The following NCOA3 variants were observed in gnomAD, a reference collection of about 807,000 sequenced individuals.
NCOA3 encodes nuclear receptor coactivator 3, also known as CBP-interacting protein.
A neutral mutation model predicts 158.8 loss-of-function variants in NCOA3; 51 were observed. That is an observed-to-expected ratio of 0.32 (90% CI 0.26 to 0.41). The LOEUF (loss-of-function observed/expected upper bound fraction) is 0.41. NCOA3 is among the 10% of genes least tolerant of loss of function. NCOA3 has a pLI of 1.00. For synonymous variants in NCOA3, 537 were observed against 592.4 expected (o/e 0.91, Z 1.36); for missense variants, 1,510 against 1,746.6 (o/e 0.86, Z 2.41).
chr20:47,583,160 C>A, intron 1 of NCOA3, 23 bp from the exon 2 acceptor site: 1 of 398,486 alleles, frequency 2.5e-6, no homozygotes, highest in Non-Finnish European at 4.4e-6. Flanking sequence ...AAATTCAATC[C>A]CTCCTCTTCT....
intron 2 of NCOA3, among the ~76,000 whole-genome samples, chr20:47,586,545 A>G (rs1727897144): frequency 6.6e-6 from 1 of 152,152 alleles, no homozygotes; most frequent in South Asian, 2.1e-4. Flanking sequence ...TCTATCGCCC[A>G]TATTCCAGTT....
chr20:47,634,883 T>C lies in NCOA3; in HGVS notation c.1113-439T>C, dbSNP rs562784546. Among the ~76,000 whole-genome samples the C allele has an allele frequency of 1.6e-4, 24 of 151,880 alleles. 1 individual carries two copies. In the South Asian group the frequency reaches 3.7e-3, roughly 24 times the overall value. ...ATCCCATTTTTTTATTCCCTCTCCT[T>C]CTCTCTCCCTTCTTCCTTTCTTCTT... On this transcript the variant is annotated intron_variant, in intron 10 of 22. Coordinates refer to ENST00000371998, the MANE Select transcript of NCOA3 (RefSeq NM_181659.3).
chr20:47,627,580 A>C lies in NCOA3; in HGVS notation c.552A>C (p.Thr184=). 9.3e-6 allele frequency: 15 copies of C among 1,611,430 alleles called. No homozygotes were observed. The highest frequency in any genetic ancestry group is 1.3e-5 in the Non-Finnish European group (15 of 1,179,204). ...CCAAAGTTAATGGAGTTTCCTGGAC[A>C]AATGAGACCCAAAGACAAAAAAGCC... is the stretch of plus-strand genomic sequence containing the variant. ...PKSTVNGVSW[T]NETQRQKSHT... Residue 184 remains threonine, a synonymous_variant, in exon 7 of 23, where the codon ACA becomes ACC. Coordinates refer to ENST00000371998, the MANE Select transcript of NCOA3 (RefSeq NM_181659.3).
chr20:47,546,305 A>C (rs1217722596), intron 1 of NCOA3, among the ~76,000 whole-genome samples: 1 of 152,072 alleles, frequency 6.6e-6, no homozygotes, highest in Non-Finnish European at 1.5e-5. Context: ...CATTGAACCA[A>C]CATTTTCTGT....
At chr20:47,520,272 T>G (rs1308462114) in intron 1 of NCOA3, among the ~76,000 whole-genome samples, 2 of 145,480 alleles carry the variant, frequency 1.4e-5, no homozygotes, top group East Asian at 3.9e-4. Flanking sequence ...TTCTCTTTAC[T>G]GCTTCTCTCT....
intron 1 of NCOA3, among the ~76,000 whole-genome samples, chr20:47,526,588 G>C (rs527286756): frequency 6.6e-6 from 1 of 152,100 alleles, no homozygotes; most frequent in Non-Finnish European, 1.5e-5. Flanking sequence ...GCGAAACCCC[G>C]TCTCCACCAA....
chr20:47,513,903 A>G (rs904838542), intron 1 of NCOA3, among the ~76,000 whole-genome samples: 2 of 152,056 alleles, frequency 1.3e-5, no homozygotes, highest in African/African-American at 4.8e-5. Flanking sequence ...CCATAAATAT[A>G]TTATACATCA....
intron 2 of NCOA3, among the ~76,000 whole-genome samples, chr20:47,603,558 T>C (rs1003105722): frequency 2.0e-5 from 3 of 152,256 alleles, no homozygotes; most frequent in Non-Finnish European, 2.9e-5. Flanking sequence ...CAGGTCCTTG[T>C]CCAGCATCGA....
intron 1 of NCOA3, among the ~76,000 whole-genome samples, chr20:47,543,438 C>T (rs2084776548): frequency 6.6e-6 from 1 of 151,950 alleles, no homozygotes; most frequent in South Asian, 2.1e-4. Context: ...AGACACATGA[C>T]GTCTGTTTTT....
chr20:47,525,414 T>C (rs1157170299), intron 1 of NCOA3, among the ~76,000 whole-genome samples: 3 of 150,622 alleles, frequency 2.0e-5, no homozygotes, highest in African/African-American at 7.3e-5. Flanking sequence ...AAAACCGCCA[T>C]TGTCATCATG....
chr20:47,586,107 C>T (rs764408735), intron 2 of NCOA3, among the ~76,000 whole-genome samples: 13 of 151,872 alleles, frequency 8.6e-5, no homozygotes, highest in African/African-American at 1.9e-4. Flanking sequence ...TTAGTAGAGA[C>T]GGGGTTTCAC....
intron 1 of NCOA3, among the ~76,000 whole-genome samples, chr20:47,524,090 T>C (rs2084387858): frequency 2.0e-5 from 3 of 152,216 alleles, no homozygotes; most frequent in Non-Finnish European, 4.4e-5. Context: ...GGGACAATAT[T>C]GAGACAAAAA....
At chr20:47,575,464 C>T (rs192617880) in intron 1 of NCOA3, among the ~76,000 whole-genome samples, 9 of 151,922 alleles carry the variant, frequency 5.9e-5, no homozygotes, top group East Asian at 3.9e-4. Context: ...CTTTTAATGT[C>T]GAATTAAGAA....
At chr20:47,647,499 G>A in intron 18 of NCOA3, 133 bp downstream of exon 18, 1 of 828,426 alleles carries the variant, frequency 1.2e-6, no homozygotes, top group Non-Finnish European at 1.8e-6. Flanking sequence ...TTCTGTGTAA[G>A]GTTTTATTTG....
intron 2 of NCOA3, among the ~76,000 whole-genome samples, chr20:47,587,567 A>G (rs2085555195): frequency 6.6e-6 from 1 of 152,256 alleles, no homozygotes; most frequent in Non-Finnish European, 1.5e-5. Context: ...TTGTATTTGC[A>G]TATAACCCAT....
In NCOA3 at chr20:47,653,648, CAG is replaced by C; in HGVS notation, c.*233_*234del. On this transcript the variant is annotated 3_prime_UTR_variant, in exon 23 of 23. Transcript: ENST00000371998. ...CTGCTGTGTATCATGGTGTTCAAAA[CAG>C]AAATGTTTTTTGGCATTCCACCTCC... is the stretch of plus-strand genomic sequence containing the variant. 1 of 527,774 alleles carries C rather than the reference CAG, an allele frequency of 1.9e-6. No individual in the cohort carries two copies. 32.7% of individuals were successfully genotyped at this position (527,774 alleles called of 1,614,324 possible). A position where few individuals can be genotyped will look rare whatever the true frequency, so the allele number is the denominator to read the frequency against.
At chr20:47,585,983 C>T (rs1047707629) in intron 2 of NCOA3, among the ~76,000 whole-genome samples, 5 of 149,464 alleles carry the variant, frequency 3.3e-5, no homozygotes, top group Non-Finnish European at 7.4e-5. Context: ...TGCAATGGCG[C>T]GATCTTGTTT....
intron 1 of NCOA3, among the ~76,000 whole-genome samples, chr20:47,508,128 G>T (rs1169212956): frequency 6.6e-6 from 1 of 152,014 alleles, no homozygotes; most frequent in Non-Finnish European, 1.5e-5. Flanking sequence ...TCAGAAACAA[G>T]CTTAATTTAT....
intron 1 of NCOA3, among the ~76,000 whole-genome samples, chr20:47,521,556 T>TG (rs906187854): frequency 2.0e-5 from 3 of 151,932 alleles, no homozygotes; most frequent in African/African-American, 2.4e-5. Context: ...AAGAAAGTGT[T>TG]GGGGTGAGTG....
Sources: allele counts gnomAD v4.1 joint callset (sites outside exome capture counted in the v4.1 genomes callset), GRCh38; gene constraint gnomAD v4.1.1; transcripts MANE v1.5; gene names NCBI Gene and HGNC (gene_info 2026-07-23, HGNC 2026-07-21).